The following MYO5C variants were observed in gnomAD, a reference collection of about 807,000 sequenced individuals.
MYO5C encodes myosin VC, also known as unconventional myosin-Vc.
A neutral mutation model predicts 235.7 loss-of-function variants in MYO5C; 194 were observed. The ratio of observed to expected loss-of-function variants is 0.82; its 90% CI spans 0.73 to 0.93. The LOEUF (loss-of-function observed/expected upper bound fraction) is 0.93. MYO5C is among the 40% of genes least tolerant of loss of function. MYO5C has a pLI of 0.00. For synonymous variants in MYO5C, 707 were observed against 754.8 expected, an observed-to-expected ratio of 0.94 and a Z score of 1.04; for missense variants, 2,038 against 2,127.2, an observed-to-expected ratio of 0.96 and a Z score of 0.82.
intron 15 of MYO5C, 116 bp from the exon 16 acceptor site, chr15:52,247,130 G>T: frequency 1.2e-6 from 1 of 821,400 alleles, no homozygotes; most frequent in Non-Finnish European, 2.0e-6. Flanking sequence ...TTAACCTCAT[G>T]CATAAACACC....
chr15:52,251,519 GAAAAGA>G lies in MYO5C; in HGVS notation c.1537-10_1537-5del. ...TTTCATCAGTTCCATGTGGTAACTG[GAAAAGA>G]AAAATAAACCAAATAGCAAGTAAGA... is the stretch of plus-strand genomic sequence containing the variant. On this transcript the variant is annotated splice_polypyrimidine_tract_variant and splice_region_variant and intron_variant, in intron 12 of 40. Transcript: ENST00000261839. The G allele has an allele frequency of 6.3e-7, 1 of 1,586,704 alleles. No homozygotes were observed. Among genetic ancestry groups the G allele is most frequent in the Non-Finnish European group, 8.6e-7 (1 of 1,166,386 alleles).
At chr15:52,278,818 C>G in intron 4 of MYO5C, 55 bp downstream of exon 4, 1 of 1,599,288 alleles carries the variant, frequency 6.3e-7, no homozygotes, top group Non-Finnish European at 8.5e-7. Context: ...GATGGTCTGG[C>G]AAATGCAGGG....
intron 24 of MYO5C, among the ~76,000 whole-genome samples, 163 bp from the exon 25 acceptor site, chr15:52,229,476 TAGTC>T (rs1184656389): frequency 6.6e-6 from 1 of 151,872 alleles, no homozygotes; most frequent in Admixed American, 6.6e-5. Context: ...ATACAAAAAT[TAGTC>T]AGGTGTGGTG....
At position 52,245,346 on chromosome 15, in the gene MYO5C, A is replaced by G; in HGVS notation, c.2178+8T>C. The G allele has an allele frequency of 6.3e-7, 1 of 1,591,542 alleles. No homozygotes were observed. Among genetic ancestry groups the G allele is most frequent in the East Asian group, 2.2e-5 (1 of 44,800 alleles). On this transcript the variant is annotated splice_region_variant and intron_variant, in intron 18 of 40. Coordinates refer to ENST00000261839, the MANE Select transcript of MYO5C (RefSeq NM_018728.4). ...GAGACCATGATCCCAGGAGGTGGGG[A>G]AACTGACCTGGATGAGTCTGTGTAA...
intron 10 of MYO5C, among the ~76,000 whole-genome samples, chr15:52,258,311 A>AG (rs1411941712): frequency 6.6e-6 from 1 of 152,170 alleles, no homozygotes; most frequent in Non-Finnish European, 1.5e-5. Flanking sequence ...CCTGCAAGAG[A>AG]GGCCCCATCT....
rs35362776 is a variant in MYO5C, at chr15:52,241,749, T to TGAGA, written c.2556+298_2556+299insTCTC. On this transcript the variant is annotated intron_variant, in intron 20 of 40. Coordinates refer to ENST00000261839, the MANE Select transcript of MYO5C (RefSeq NM_018728.4). ...CAACTGGTGTGTGTGTGTGTGTGTG[T>TGAGA]GTGAGAGAGAGAGACAGGGTCTCCC... Among the ~76,000 whole-genome samples the TGAGA allele has an allele frequency of 3.0e-3, 448 of 150,160 alleles. 2 individuals are homozygous for TGAGA. The highest frequency in any genetic ancestry group is 9.2e-3 in the African/African-American group (379 of 41,012).
intron 11 of MYO5C, among the ~76,000 whole-genome samples, chr15:52,255,621 G>C (rs2036563444): frequency 6.6e-6 from 1 of 152,214 alleles, no homozygotes. Flanking sequence ...ATTGACTTCT[G>C]TTAGGAGCAG....
At chr15:52,196,056 C>T (rs774102775) in intron 39 of MYO5C, among the ~76,000 whole-genome samples, 1 of 149,026 alleles carries the variant, frequency 6.7e-6, no homozygotes, top group Non-Finnish European at 1.5e-5. Flanking sequence ...GGCAATCCTC[C>T]CACCTTGGCC....
intron 21 of MYO5C, among the ~76,000 whole-genome samples, chr15:52,238,313 C>T (rs1017321242): frequency 1.2e-4 from 19 of 152,204 alleles, no homozygotes; most frequent in African/African-American, 2.9e-4. Context: ...GCTCAGGCAG[C>T]GTTGGGACTC....
intron 39 of MYO5C, among the ~76,000 whole-genome samples, chr15:52,195,922 C>G (rs1169610365): frequency 6.7e-6 from 1 of 148,550 alleles, no homozygotes; most frequent in Admixed American, 7.0e-5. Context: ...CCTCAGCCTC[C>G]CAAGTAGCTG....
rs1286614188 is a variant in MYO5C, at chr15:52,223,656, T to C, written c.3515A>G (p.Lys1172Arg). 6.2e-7 allele frequency: 1 copy of C among 1,614,194 alleles called. No individual in the cohort carries two copies. The highest frequency in any genetic ancestry group is 8.5e-7 in the Non-Finnish European group (1 of 1,180,030). The change falls in exon 29 of 41, where the codon AAA becomes AGA. Residue 1172 changes from lysine to arginine, a missense_variant. Physicochemically the swap from Lys to Arg is conservative, Grantham distance 26 (BLOSUM62 2). Coordinates refer to ENST00000261839, the MANE Select transcript of MYO5C (RefSeq NM_018728.4). ...GATTTCTTGACTGAGATGCACCACT[T>C]TGAAGTTCAAAGCTTCAATCTCCTT... ...YEKEIEALNF[K>R]VVHLSQEINH...
At chr15:52,269,943 C>T (rs2036885494) in intron 7 of MYO5C, 83 bp from the exon 8 acceptor site, 1 of 923,204 alleles carries the variant, frequency 1.1e-6, no homozygotes. Flanking sequence ...GAAGTTCATA[C>T]TCAAAGAACT....
At chr15:52,288,508 A>T (rs2037322899) in intron 1 of MYO5C, among the ~76,000 whole-genome samples, 1 of 152,206 alleles carries the variant, frequency 6.6e-6, no homozygotes, top group South Asian at 2.1e-4. Flanking sequence ...AGTGCCCTGC[A>T]GCTGAAACCC....
intron 7 of MYO5C, among the ~76,000 whole-genome samples, chr15:52,271,232 A>AT (rs71425738): frequency 0.011 from 1,497 of 141,970 alleles, 17 homozygotes; most frequent in African/African-American, 0.027. Context: ...CCAATGAGCT[A>AT]TTTTTTTTTT....
At chr15:52,276,330 G>A (rs758156491) in intron 4 of MYO5C, among the ~76,000 whole-genome samples, 3 of 152,270 alleles carry the variant, frequency 2.0e-5, no homozygotes, top group South Asian at 2.1e-4. Flanking sequence ...AGTGGAACAC[G>A]GGTGCAAACT....
intron 10 of MYO5C, chr15:52,257,036 G>C (rs1291365263): frequency 4.7e-6 from 1 of 210,554 alleles, no homozygotes; most frequent in Non-Finnish European, 9.6e-6. Flanking sequence ...GACTTTATAG[G>C]TCAGAAAATA....
intron 11 of MYO5C, 36 bp downstream of exon 11, chr15:52,256,603 C>CGCGCGGGGGG: frequency 3.1e-6 from 2 of 650,542 alleles, no homozygotes; most frequent in Non-Finnish European, 4.8e-6. Flanking sequence ...GCGCGCGCGG[C>CGCGCGGGGGG]TGAGAACTAG....
At position 52,204,889 on chromosome 15, in the gene MYO5C, G is replaced by A. The variant is rs761878991; in HGVS notation, c.4796C>T (p.Ser1599Phe). 21 of 1,614,046 alleles carry A rather than the reference G, an allele frequency of 1.3e-5. No individual in the cohort carries two copies. Among genetic ancestry groups the A allele is most frequent in the Non-Finnish European group, 1.7e-5 (20 of 1,180,022 alleles). Residue 1599 changes from serine to phenylalanine, a missense_variant, in exon 38 of 41, where the codon TCC (serine) becomes TTC (phenylalanine). Coordinates refer to ENST00000261839, the MANE Select transcript of MYO5C (RefSeq NM_018728.4). ...NSLFLRKDMC[S>F]CRKGMQIRCN... is the part of the protein sequence containing the mutation. Reference sequence around the variant, plus strand: ...CCTGATCTGCATCCCTTTTCTGCAGGAGCACATGTCCTTGCGCAGGAAGAG... The same window carrying A: ...CCTGATCTGCATCCCTTTTCTGCAGAAGCACATGTCCTTGCGCAGGAAGAG...
chr15:52,269,345 A>C (rs1232183632), intron 8 of MYO5C, among the ~76,000 whole-genome samples: 1 of 150,614 alleles, frequency 6.6e-6, no homozygotes, highest in Non-Finnish European at 1.5e-5. Context: ...ATTGATTAGG[A>C]GCCTTCAGAA....
Sources: gnomAD v4.1 joint callset for allele counts (sites outside exome capture counted in the v4.1 genomes callset) on GRCh38, gnomAD v4.1.1 for gene constraint, MANE v1.5 for transcripts, NCBI Gene and HGNC (gene_info 2026-07-23, HGNC 2026-07-21) for gene names.